Variants in USP43 observed in about 807,000 individuals in gnomAD.
USP43 encodes the protein ubiquitin carboxyl-terminal hydrolase 43.
In USP43, 33 loss-of-function variants were observed where a neutral mutation model predicts 90.7. That is an observed-to-expected ratio of 0.36 (90% CI 0.28 to 0.49). The LOEUF is 0.49. Among genes scored for constraint, USP43 ranks in the 20% least tolerant of loss-of-function variants. The pLI, the probability that USP43 is intolerant of heterozygous loss-of-function variation, is 0.98. For synonymous variants in USP43, 598 were observed against 615.8 expected (o/e 0.97, Z 0.43); for missense variants, 1,274 against 1,476.4 (o/e 0.86, Z 2.25).
At chr17:9,727,390 C>T (rs544685793) in intron 14 of USP43, among the ~76,000 whole-genome samples, 2 of 152,198 alleles carry the variant, frequency 1.3e-5, no homozygotes, top group East Asian at 3.9e-4. Flanking sequence ...TTTCTCTATT[C>T]TTATTTGTAT....
In USP43 at chr17:9,645,956, C is replaced by A; in HGVS notation, c.324C>A (p.Asn108Lys). ...PGAQGLKNHG[N>K]TCFMNAVVQC... is the part of the protein sequence containing the mutation. ...CTCAGGGCTTGAAGAACCACGGCAA[C>A]ACCTGTTTCATGAACGCGGTGGTGC... The change falls in exon 1 of 15, where the codon AAC becomes AAA. Residue 108 changes from asparagine (N) to lysine (K), a missense_variant. By Grantham distance (94) the Asn-to-Lys change is moderately conservative. This residue lies in a region of USP43 where 259 missense variants were observed against 373.7 expected (regional missense o/e 0.69). Transcript: ENST00000285199. This position sits in a 1 kb window ranked among gnomAD's most constrained non-coding sequence, Gnocchi z 6.8. The A allele has an allele frequency of 6.8e-7, 1 of 1,476,834 alleles. No homozygotes were observed. Among genetic ancestry groups the A allele is most frequent in the East Asian group, 3.0e-5 (1 of 33,722 alleles). 91.5% of individuals were successfully genotyped at this position (1,476,834 alleles called of 1,614,324 possible).
intron 12 of USP43, among the ~76,000 whole-genome samples, chr17:9,703,686 C>A (rs369934800): frequency 8.5e-5 from 13 of 152,350 alleles, no homozygotes; most frequent in African/African-American, 3.1e-4. Flanking sequence ...TGGGTAAGAC[C>A]TGGGCCACTT....
chr17:9,705,054 T>TA (rs1489772566), intron 12 of USP43, among the ~76,000 whole-genome samples: 1 of 152,166 alleles, frequency 6.6e-6, no homozygotes, highest in African/African-American at 2.4e-5. Flanking sequence ...TCACACGGCC[T>TA]AAAAAAGATG....
intron 14 of USP43, among the ~76,000 whole-genome samples, chr17:9,722,162 T>A (rs1297426945): frequency 1.3e-5 from 2 of 152,212 alleles, no homozygotes; most frequent in African/African-American, 4.8e-5. Context: ...GTGCTTTTTA[T>A]TATTATAATG....
chr17:9,671,852 T>C (rs1034195942), intron 3 of USP43, among the ~76,000 whole-genome samples: 1 of 152,156 alleles, frequency 6.6e-6, no homozygotes. Flanking sequence ...GCAGAACTTT[T>C]TGTAAAAGTG....
chr17:9,708,026 G>T (rs1202420447), intron 12 of USP43, among the ~76,000 whole-genome samples: 3 of 152,234 alleles, frequency 2.0e-5, no homozygotes, highest in Admixed American at 1.3e-4. Context: ...GTCACATGTA[G>T]GCTCAGAGCT....
At chr17:9,724,836 T>G (rs891656924) in intron 14 of USP43, among the ~76,000 whole-genome samples, 3 of 152,170 alleles carry the variant, frequency 2.0e-5, no homozygotes, top group African/African-American at 4.8e-5. Flanking sequence ...TATTAAATAT[T>G]TTTTGAAGGA....
In USP43 at chr17:9,727,984, G is replaced by A. The variant is rs935561485; in HGVS notation, c.2366G>A (p.Gly789Asp). ...GGLEPRRLVR[G>D]VKGRSISMKA... ...TTGGAGCCCAGGCGTTTGGTACGGG[G>A]CGTGAAAGGCAGAAGCATTAGCATG... is the stretch of plus-strand genomic sequence containing the variant. The change falls in exon 15 of 15, where the codon GGC becomes GAC. Residue 789 changes from glycine to aspartate, a missense_variant. Gly to Asp is a moderately conservative substitution (Grantham distance 94). This residue lies in a region of USP43 where 285 missense variants were observed against 349.6 expected (regional missense o/e 0.82). Coordinates refer to ENST00000285199, the MANE Select transcript of USP43 (RefSeq NM_153210.5). 1.1e-5 allele frequency: 17 copies of A among 1,610,506 alleles called. No homozygotes were observed. The African/African-American group carries it at 2.0e-4, about 19-fold the overall frequency.
intron 2 of USP43, among the ~76,000 whole-genome samples, chr17:9,659,527 A>G (rs1392381892): frequency 1.3e-5 from 2 of 152,040 alleles, no homozygotes; most frequent in African/African-American, 4.8e-5. Flanking sequence ...GAGAGAGGAG[A>G]CTTAGAAATA....
intron 3 of USP43, among the ~76,000 whole-genome samples, chr17:9,670,882 G>A (rs1290206540): frequency 3.3e-5 from 5 of 152,176 alleles, no homozygotes. Context: ...AAGACAAGGT[G>A]TCGTCAGGGA....
In USP43 at chr17:9,729,174, C is replaced by T; in HGVS notation, c.*184C>T. On this transcript the variant is annotated 3_prime_UTR_variant, in exon 15 of 15. Transcript: ENST00000285199. ...CTTCCAACACCCAAGGTCCATATAA[C>T]CCAAGGTCGAAAACCTTCCTGCATC... The T allele has an allele frequency of 2.1e-6, 1 of 480,840 alleles. No homozygotes were observed. Among genetic ancestry groups the T allele is most frequent in the Non-Finnish European group, 3.4e-6 (1 of 296,600 alleles). 29.8% of individuals were successfully genotyped at this position (480,840 alleles called of 1,614,324 possible). A position where few individuals can be genotyped will look rare whatever the true frequency, so the allele number is the denominator to read the frequency against.
intron 1 of USP43, among the ~76,000 whole-genome samples, chr17:9,648,165 A>G (rs1911588597): frequency 6.6e-6 from 1 of 152,220 alleles, no homozygotes; most frequent in South Asian, 2.1e-4. Flanking sequence ...AAGGATAATC[A>G]AGTTTGTAAT....
At chr17:9,702,308 C>A (rs1207840921) in intron 12 of USP43, among the ~76,000 whole-genome samples, 1 of 152,162 alleles carries the variant, frequency 6.6e-6, no homozygotes, top group Non-Finnish European at 1.5e-5. Context: ...CATGATTGCA[C>A]CACTGTACTC....
chr17:9,687,936 C>T (rs965773356), intron 8 of USP43, among the ~76,000 whole-genome samples: 1 of 152,206 alleles, frequency 6.6e-6, no homozygotes, highest in African/African-American at 2.4e-5. Context: ...TGCCTTCTCC[C>T]AAACCTTGAG....
chr17:9,728,401 A>T lies in USP43; in HGVS notation c.2783A>T (p.Lys928Met). Residue 928 changes from lysine (K) to methionine (M), a missense_variant, in exon 15 of 15, where the codon AAG becomes ATG. Lys to Met is a moderately conservative substitution (Grantham distance 95). This residue lies in a region of USP43 where 353 missense variants were observed against 329.7 expected (regional missense o/e 1.07). Coordinates refer to ENST00000285199, the MANE Select transcript of USP43 (RefSeq NM_153210.5). This position sits in a 1 kb window ranked among gnomAD's most constrained non-coding sequence, Gnocchi z 6.2. Reference protein sequence around the residue: ...NAGQDIKLPRKFDLPLTVMPS... With the variant: ...NAGQDIKLPRMFDLPLTVMPS... ...GGGCAGGACATCAAGCTTCCCAGAA[A>T]GTTTGACCTGCCTCTCACTGTGATG... 6.2e-7 allele frequency: 1 copy of T among 1,608,942 alleles called. No individual in the cohort carries two copies.
chr17:9,706,545 C>T (rs1007314636), intron 12 of USP43, among the ~76,000 whole-genome samples: 4 of 151,162 alleles, frequency 2.6e-5, no homozygotes, highest in African/African-American at 9.7e-5. Flanking sequence ...CTTTATCCTC[C>T]GGGAGTTGCC....
chr17:9,656,985 ATT>A (rs753747403), intron 2 of USP43, among the ~76,000 whole-genome samples: 5 of 152,188 alleles, frequency 3.3e-5, no homozygotes, highest in Non-Finnish European at 5.9e-5. Flanking sequence ...ACACATGTGC[ATT>A]TAGCATCCCC....
intron 14 of USP43, among the ~76,000 whole-genome samples, chr17:9,721,648 A>G (rs1311793033): frequency 1.3e-5 from 2 of 151,742 alleles, no homozygotes; most frequent in African/African-American, 2.4e-5. Context: ...CAAGTCCCCT[A>G]TGTCTTTAAA....
At chr17:9,684,214 G>A (rs1914463091) in intron 7 of USP43, among the ~76,000 whole-genome samples, 2 of 152,040 alleles carry the variant, frequency 1.3e-5, no homozygotes, top group South Asian at 4.1e-4. Flanking sequence ...TTGGGTGGGG[G>A]CTAGTTTAAC....
Sources: gnomAD v4.1 joint callset for allele counts (sites outside exome capture counted in the v4.1 genomes callset) on GRCh38, gnomAD v4.1.1 for gene constraint, gnomAD v4.1.1 regional missense constraint, Gnocchi (gnomAD v3.1) non-coding constraint, MANE v1.5 for transcripts, NCBI Gene and HGNC (gene_info 2026-07-23, HGNC 2026-07-21) for gene names.